Variants in SLC25A20 observed in about 807,000 individuals in gnomAD.
SLC25A20 encodes the protein mitochondrial carnitine/acylcarnitine carrier protein.
In SLC25A20, 29 loss-of-function variants were observed where a neutral mutation model predicts 39.7. That is an observed-to-expected ratio of 0.73 (90% CI 0.54 to 1.00). SLC25A20 has a LOEUF of 1.00. Among genes scored for constraint, SLC25A20 ranks in the 50% least tolerant of loss-of-function variants. The pLI, the probability that SLC25A20 is intolerant of heterozygous loss-of-function variation, is 0.00. For synonymous variants in SLC25A20, 103 were observed against 142.2 expected (o/e 0.72, Z 1.96); for missense variants, 333 against 379.9 (o/e 0.88, Z 1.03).
chr3:48,890,052 T>C (rs1202476288), intron 2 of SLC25A20, among the ~76,000 whole-genome samples: 1 of 151,974 alleles, frequency 6.6e-6, no homozygotes, highest in Non-Finnish European at 1.5e-5. Context: ...CTTGGAGGAG[T>C]CAGGGAACAC....
At chr3:48,877,548 G>A (rs916810584) in intron 4 of SLC25A20, among the ~76,000 whole-genome samples, 4 of 151,560 alleles carry the variant, frequency 2.6e-5, no homozygotes, top group Non-Finnish European at 5.9e-5. Flanking sequence ...GGCCAACATG[G>A]TGAAACCCCG....
intron 4 of SLC25A20, among the ~76,000 whole-genome samples, chr3:48,863,344 G>A (rs1004588996): frequency 6.6e-6 from 1 of 152,140 alleles, no homozygotes; most frequent in African/African-American, 2.4e-5. Flanking sequence ...AGCCTACCTG[G>A]TCATGAGAGT....
intron 1 of SLC25A20, among the ~76,000 whole-genome samples, chr3:48,892,748 C>A (rs756203250): frequency 6.6e-6 from 1 of 152,096 alleles, no homozygotes; most frequent in Non-Finnish European, 1.5e-5. Context: ...TCCACAGATT[C>A]AAATGTTAAT....
At chr3:48,881,373 C>T (rs930059806) in intron 3 of SLC25A20, among the ~76,000 whole-genome samples, 1 of 152,178 alleles carries the variant, frequency 6.6e-6, no homozygotes, top group African/African-American at 2.4e-5. Flanking sequence ...GCTCAGCAAA[C>T]CTCATCTCTT....
chr3:48,861,805 T>C (rs138565764), intron 5 of SLC25A20, among the ~76,000 whole-genome samples: 1 of 151,842 alleles, frequency 6.6e-6, no homozygotes, highest in Non-Finnish European at 1.5e-5. Context: ...GGCAGGTGCA[T>C]CACCTGAGGT....
intron 4 of SLC25A20, among the ~76,000 whole-genome samples, chr3:48,875,472 C>T (rs1177383246): frequency 2.0e-5 from 3 of 152,110 alleles, no homozygotes; most frequent in Admixed American, 6.6e-5. Context: ...TGCAGTGGCA[C>T]GATCTTGGCT....
intron 1 of SLC25A20, among the ~76,000 whole-genome samples, chr3:48,897,021 C>T (rs184478376): frequency 1.9e-4 from 29 of 151,672 alleles, no homozygotes; most frequent in Non-Finnish European, 3.8e-4. Flanking sequence ...CTTGTCAGGA[C>T]ACACAGCCCA....
chr3:48,870,475 C>T (rs1346514561), intron 4 of SLC25A20, among the ~76,000 whole-genome samples: 2 of 150,740 alleles, frequency 1.3e-5, no homozygotes. Context: ...ACAAGGCAAA[C>T]AGAAAAAGAA....
chr3:48,894,183 T>TTCTCTCTCTCTCTCTC (rs375593797), intron 1 of SLC25A20, among the ~76,000 whole-genome samples: 84 of 110,272 alleles, frequency 7.6e-4, no homozygotes, highest in Admixed American at 2.2e-3. Flanking sequence ...AAGAAGAAGA[T>TTCTCTCTCTCTCTCTC]TCTCTCTCTC....
chr3:48,864,988 C>T (rs2083654943), intron 4 of SLC25A20, among the ~76,000 whole-genome samples: 1 of 152,122 alleles, frequency 6.6e-6, no homozygotes, highest in Admixed American at 6.6e-5. Flanking sequence ...ACCAACTGAA[C>T]TGGAAAATGC....
chr3:48,898,881 T>C lies in SLC25A20; in HGVS notation c.-87A>G. 2.2e-6 allele frequency: 3 copies of C among 1,368,482 alleles called. No homozygotes were observed. The highest frequency in any genetic ancestry group is 3.1e-6 in the Non-Finnish European group (3 of 981,576). 84.8% of individuals were successfully genotyped at this position (1,368,482 alleles called of 1,614,324 possible). On this transcript the variant is annotated 5_prime_UTR_variant, in exon 1 of 9. Coordinates refer to ENST00000319017, the MANE Select transcript of SLC25A20 (RefSeq NM_000387.6). ...CTGCAGTGCCGGCGCCGCCGACCTT[T>C]CACCCACTTTTGGGTGGGCGGGGCA...
At chr3:48,878,869 T>C (rs564636388) in intron 4 of SLC25A20, among the ~76,000 whole-genome samples, 2 of 151,200 alleles carry the variant, frequency 1.3e-5, no homozygotes, top group Admixed American at 1.3e-4. Context: ...TTTGGTTTTG[T>C]TTTGTTTTGG....
chr3:48,895,231 C>T (rs1050856728), intron 1 of SLC25A20, among the ~76,000 whole-genome samples: 2 of 152,232 alleles, frequency 1.3e-5, no homozygotes, highest in Non-Finnish European at 1.5e-5. Context: ...TGGTCTCGAA[C>T]GTCCAATCTC....
intron 4 of SLC25A20, among the ~76,000 whole-genome samples, chr3:48,878,054 AG>A (rs1360202039): frequency 1.3e-5 from 2 of 151,906 alleles, no homozygotes; most frequent in African/African-American, 4.8e-5. Flanking sequence ...CAAGGTTAAG[AG>A]ATAGAGACCA....
At chr3:48,895,463 C>G (rs1275027406) in intron 1 of SLC25A20, among the ~76,000 whole-genome samples, 2 of 152,246 alleles carry the variant, frequency 1.3e-5, no homozygotes, top group Admixed American at 6.5e-5. Context: ...TTCCTGCTCA[C>G]TGTTCTGCTT....
chr3:48,868,554 T>G (rs184387038), intron 4 of SLC25A20, among the ~76,000 whole-genome samples: 1 of 152,176 alleles, frequency 6.6e-6, no homozygotes, highest in Non-Finnish European at 1.5e-5. Flanking sequence ...CCTTGGGACC[T>G]GAGGAATGAG....
intron 4 of SLC25A20, among the ~76,000 whole-genome samples, 153 bp downstream of exon 4, chr3:48,879,205 C>A (rs1284092341): frequency 6.6e-6 from 1 of 152,080 alleles, no homozygotes; most frequent in African/African-American, 2.4e-5. Flanking sequence ...CTCAGGCAAT[C>A]CTCACACCTT....
chr3:48,871,768 CAAAAA>C (rs763884203), intron 4 of SLC25A20, among the ~76,000 whole-genome samples: 1 of 61,890 alleles, frequency 1.6e-5, no homozygotes, highest in Non-Finnish European at 3.3e-5. Flanking sequence ...AACTCCATCT[CAAAAA>C]AAAAAAAAAA....
chr3:48,889,764 A>G (rs1043393104), intron 2 of SLC25A20, among the ~76,000 whole-genome samples: 2 of 152,214 alleles, frequency 1.3e-5, no homozygotes, highest in Non-Finnish European at 2.9e-5. Context: ...AATTAGATAT[A>G]GAGATGATCA....
Sources: allele counts gnomAD v4.1 joint callset (sites outside exome capture counted in the v4.1 genomes callset), GRCh38; gene constraint gnomAD v4.1.1; transcripts MANE v1.5; gene names NCBI Gene and HGNC (gene_info 2026-07-23, HGNC 2026-07-21).